VPS36: variants seen among roughly 807,000 people sequenced by gnomAD.
VPS36 encodes vacuolar protein-sorting-associated protein 36.
In VPS36, 31 loss-of-function variants were observed where a neutral mutation model predicts 63.5. That is an observed-to-expected ratio of 0.49 (90% CI 0.37 to 0.66). VPS36 has a LOEUF of 0.66. Ranked by LOEUF, VPS36 falls within the 30% of genes least tolerant of loss-of-function variation. The pLI is 0.00. For missense variants in VPS36, 338 were observed against 463.7 expected (o/e 0.73, Z 2.49); for synonymous variants, 138 against 157.2 (o/e 0.88, Z 0.91).
intron 4 of VPS36, 89 bp from the exon 5 acceptor site, chr13:52,434,971 CTT>C (rs869257101): frequency 0.034 from 26,863 of 783,906 alleles, no homozygotes; most frequent in South Asian, 0.044. Flanking sequence ...TTCTTTTTTT[CTT>C]TTTTTTTTTT....
intron 6 of VPS36, among the ~76,000 whole-genome samples, chr13:52,432,826 GT>G (rs1434497022): frequency 6.6e-6 from 1 of 152,144 alleles, no homozygotes; most frequent in African/African-American, 2.4e-5. Context: ...AATGCCCTTG[GT>G]TCCCCAACAG....
chr13:52,443,844 C>T (rs1240958110), intron 1 of VPS36, among the ~76,000 whole-genome samples: 1 of 152,078 alleles, frequency 6.6e-6, no homozygotes, highest in Non-Finnish European at 1.5e-5. Flanking sequence ...AGTTGGAACC[C>T]AAGAGATTAA....
At chr13:52,424,924 G>A (rs1205817410) in intron 9 of VPS36, among the ~76,000 whole-genome samples, 2 of 151,498 alleles carry the variant, frequency 1.3e-5, no homozygotes, top group Non-Finnish European at 2.9e-5. Flanking sequence ...GGAGGTAGAG[G>A]TTGCAGTGAG....
In VPS36 at chr13:52,445,467, G is replaced by A. The variant is rs1055463309; in HGVS notation, c.97-3022C>T. Reference sequence around the variant, plus strand: ...ATCCTGACTAACACGGTGAAACCCCGTCTCTACTAAAAATACAAAAAATTA... The same window carrying A: ...ATCCTGACTAACACGGTGAAACCCCATCTCTACTAAAAATACAAAAAATTA... On this transcript the variant is annotated intron_variant, in intron 1 of 13. Coordinates refer to ENST00000378060, the MANE Select transcript of VPS36 (RefSeq NM_016075.4). 1.5e-4 allele frequency among the ~76,000 whole-genome samples: 22 copies of A among 150,036 alleles called. No individual in the cohort carries two copies. In the Middle Eastern group the frequency reaches 0.01, roughly 70 times the overall value.
At chr13:52,424,094 A>T (rs1277268063) in intron 9 of VPS36, among the ~76,000 whole-genome samples, 1 of 152,184 alleles carries the variant, frequency 6.6e-6, no homozygotes, top group Non-Finnish European at 1.5e-5. Flanking sequence ...TTCTGACCTC[A>T]AATGATCTGC....
chr13:52,431,311 A>G (rs1372833140), intron 6 of VPS36, among the ~76,000 whole-genome samples: 1 of 152,240 alleles, frequency 6.6e-6, no homozygotes, highest in Non-Finnish European at 1.5e-5. Flanking sequence ...CTTAAATTTG[A>G]ATAGAAAAGA....
At chr13:52,416,594 T>C (rs1220845337) in intron 12 of VPS36, among the ~76,000 whole-genome samples, 1 of 152,234 alleles carries the variant, frequency 6.6e-6, no homozygotes, top group Admixed American at 6.5e-5. Context: ...ATTTCAAGCA[T>C]CCTAATGAGT....
chr13:52,416,985 G>A (rs1958000153), intron 12 of VPS36, 72 bp downstream of exon 12: 1 of 1,281,790 alleles, frequency 7.8e-7, no homozygotes, highest in Non-Finnish European at 1.1e-6. Context: ...AGGAAATCCT[G>A]TTTTTTGAGT....
At chr13:52,417,007 C>G in intron 12 of VPS36, 50 bp downstream of exon 12, 1 of 1,514,004 alleles carries the variant, frequency 6.6e-7, no homozygotes, top group Non-Finnish European at 9.1e-7. Flanking sequence ...GCTAAGCCTT[C>G]GGGTCTTCAT....
In VPS36 at chr13:52,439,123, C is replaced by T. The variant is rs564047614; in HGVS notation, c.211G>A (p.Glu71Lys). The change falls in exon 3 of 14, where the codon GAA becomes AAA. Residue 71 changes from glutamate (E) to lysine (K), a missense_variant. Glu to Lys is a moderately conservative substitution (Grantham distance 56). Transcript: ENST00000378060. ...CTCTTCCCAATTCCAGCCGCCTGTT[C>T]TTCAATGAACACAATTTGGGAAAGG... is the stretch of plus-strand genomic sequence containing the variant. ...ILLSQIVFIE[E>K]QAAGIGKSAK... The T allele has an allele frequency of 6.2e-7, 1 of 1,613,822 alleles. No individual in the cohort carries two copies. The highest frequency in any genetic ancestry group is 1.3e-5 in the African/African-American group (1 of 75,028).
At chr13:52,427,360 C>G in intron 6 of VPS36, 141 bp from the exon 7 acceptor site, 6 of 761,410 alleles carry the variant, frequency 7.9e-6, no homozygotes, top group African/African-American at 1.8e-5. Context: ...AATCCCAGCA[C>G]TCTGGGAGGC....
rs901281764 is a variant in VPS36, at chr13:52,446,241, G to C, written c.97-3796C>G. 4.0e-5 allele frequency among the ~76,000 whole-genome samples: 6 copies of C among 149,422 alleles called. 1 individual carries two copies. The South Asian group carries it at 1.3e-3, about 32-fold the overall frequency. ...AGATCGCACCACCGCACTCCAGACT[G>C]AGCAACAGAGCGAGATTCCGTCTGA... On this transcript the variant is annotated intron_variant, in intron 1 of 13. Transcript: ENST00000378060.
At chr13:52,418,167 A>G (rs1236519216) in intron 10 of VPS36, 111 bp from the exon 11 acceptor site, 1 of 947,852 alleles carries the variant, frequency 1.1e-6, no homozygotes, top group South Asian at 2.0e-5. Flanking sequence ...TTTAATCACT[A>G]CAAAGCAAAA....
chr13:52,439,049 A>G (rs750091727), intron 3 of VPS36, 49 bp downstream of exon 3: 1 of 1,556,570 alleles, frequency 6.4e-7, no homozygotes, highest in Non-Finnish European at 8.8e-7. Context: ...CCAATAGCAT[A>G]ACAGGAAATG....
In VPS36 at chr13:52,416,924, A is replaced by G. The variant is rs116835551; in HGVS notation, c.990+133T>C. 5.0e-3 allele frequency: 3,682 copies of G among 731,086 alleles called. 30 individuals carry two copies. Among genetic ancestry groups the G allele is most frequent in the Middle Eastern group, 0.019 (73 of 3,912 alleles). 45.3% of individuals were successfully genotyped at this position (731,086 alleles called of 1,614,324 possible). ...ATTGATTCATTGTTAGTGATAAACCATTTTTATTTGGGTGTGTGAATGTTA... is the reference window on the plus strand; with the variant it reads ...ATTGATTCATTGTTAGTGATAAACCGTTTTTATTTGGGTGTGTGAATGTTA... On this transcript the variant is annotated intron_variant, in intron 12 of 13. Coordinates refer to ENST00000378060, the MANE Select transcript of VPS36 (RefSeq NM_016075.4).
chr13:52,425,252 CA>C (rs748988364), intron 9 of VPS36, among the ~76,000 whole-genome samples: 1,380 of 67,380 alleles, frequency 0.02, no homozygotes, highest in South Asian at 0.042. Flanking sequence ...GACTCCGCCT[CA>C]AAAAAAAAAA....
intron 2 of VPS36, among the ~76,000 whole-genome samples, chr13:52,439,973 A>C (rs1448400713): frequency 6.6e-6 from 1 of 151,120 alleles, no homozygotes; most frequent in African/African-American, 2.4e-5. Context: ...CCCTTTATTC[A>C]TATGTTTAAT....
At chr13:52,418,881 CT>C (rs1958019775) in intron 10 of VPS36, among the ~76,000 whole-genome samples, 1 of 152,204 alleles carries the variant, frequency 6.6e-6, no homozygotes, top group Non-Finnish European at 1.5e-5. Flanking sequence ...ACAAGCACAG[CT>C]TTCAGTCCCA....
intron 11 of VPS36, 34 bp from the exon 12 acceptor site, chr13:52,417,175 A>G: frequency 6.3e-7 from 1 of 1,581,150 alleles, no homozygotes; most frequent in South Asian, 1.1e-5. Flanking sequence ...AAAGCCAGGA[A>G]TTATCTAGGA....
Sources: gnomAD v4.1 joint callset for allele counts (sites outside exome capture counted in the v4.1 genomes callset) on GRCh38, gnomAD v4.1.1 for gene constraint, MANE v1.5 for transcripts, NCBI Gene and HGNC (gene_info 2026-07-23, HGNC 2026-07-21) for gene names.